DLG2: variants seen among roughly 807,000 people sequenced by gnomAD.
DLG2 encodes the protein disks large homolog 2.
In DLG2, 45 loss-of-function variants were observed where a neutral mutation model predicts 132.5. The ratio of observed to expected loss-of-function variants is 0.34; its 90% CI spans 0.27 to 0.44. DLG2 has a LOEUF of 0.44. Among genes scored for constraint, DLG2 ranks in the 20% least tolerant of loss-of-function variants. DLG2 has a pLI of 1.00. For synonymous variants in DLG2, 424 were observed against 419.6 expected, an observed-to-expected ratio of 1.01 and a Z score of -0.13; for missense variants, 1,045 against 1,196.9, an observed-to-expected ratio of 0.87 and a Z score of 1.87.
At chr11:85,437,585 A>T (rs1207958265) in intron 3 of DLG2, among the ~76,000 whole-genome samples, 1 of 152,098 alleles carries the variant, frequency 6.6e-6, no homozygotes, top group African/African-American at 2.4e-5. Context: ...TACACTACTC[A>T]AAAAAAGAGT....
At chr11:84,878,732 T>A (rs969889144) in intron 6 of DLG2, among the ~76,000 whole-genome samples, 27 of 152,104 alleles carry the variant, frequency 1.8e-4, no homozygotes, top group African/African-American at 6.3e-4. Context: ...AAGAAATAAA[T>A]TATATTCAGT....
At chr11:84,945,921 G>T (rs1405366584) in intron 6 of DLG2, among the ~76,000 whole-genome samples, 2 of 152,036 alleles carry the variant, frequency 1.3e-5, no homozygotes, top group Non-Finnish European at 2.9e-5. Context: ...TTAGCCACAA[G>T]ACAAAACCCT....
intron 7 of DLG2, among the ~76,000 whole-genome samples, chr11:84,431,514 A>G (rs2098984615): frequency 6.6e-6 from 1 of 152,254 alleles, no homozygotes; most frequent in Admixed American, 6.5e-5. Flanking sequence ...GTTTGATTAT[A>G]TCTTTTAATT....
intron 6 of DLG2, among the ~76,000 whole-genome samples, chr11:84,645,650 GTA>G (rs926762690): frequency 4.6e-5 from 7 of 152,052 alleles, no homozygotes; most frequent in African/African-American, 1.7e-4. Flanking sequence ...TGTATTTTTA[GTA>G]GAGATGGGGT....
Position 85,114,415 on chromosome 11 carries a change from T to C in DLG2, c.283-2680A>G, listed in dbSNP as rs562783504. ...TAGCTCTCTAAGCAAAGATTTAAGA[T>C]AGAAGTTGGTGACAAAAGGTAAAGC... On this transcript the variant is annotated intron_variant, in intron 5 of 27. Transcript: ENST00000376104. 9.2e-5 allele frequency among the ~76,000 whole-genome samples: 14 copies of C among 152,134 alleles called. No individual in the cohort carries two copies. The East Asian group carries it at 2.3e-3, about 25-fold the overall frequency.
intron 3 of DLG2, among the ~76,000 whole-genome samples, chr11:85,486,733 T>C (rs1000376419): frequency 2.0e-5 from 3 of 152,036 alleles, no homozygotes; most frequent in Non-Finnish European, 4.4e-5. Flanking sequence ...CCACTGCTAC[T>C]GCCATCACCC....
At chr11:83,682,285 T>C (rs2153600146) in intron 18 of DLG2, 1 of 985,364 alleles carries the variant, frequency 1.0e-6, no homozygotes, top group African/African-American at 1.7e-5. Flanking sequence ...ACTAAGACTC[T>C]GACAGAACTC....
At chr11:84,636,179 G>A (rs1355878376) in intron 6 of DLG2, among the ~76,000 whole-genome samples, 1 of 152,144 alleles carries the variant, frequency 6.6e-6, no homozygotes, top group Non-Finnish European at 1.5e-5. Flanking sequence ...TATAGTCACA[G>A]AAGTATGTAT....
intron 15 of DLG2, among the ~76,000 whole-genome samples, chr11:83,905,831 A>C (rs1344521276): frequency 6.6e-6 from 1 of 152,132 alleles, no homozygotes; most frequent in East Asian, 1.9e-4. Context: ...CATTATCAAC[A>C]TACTGTTATG....
At chr11:85,429,238 A>C (rs1317485519) in intron 3 of DLG2, among the ~76,000 whole-genome samples, 3 of 152,188 alleles carry the variant, frequency 2.0e-5, no homozygotes, top group Non-Finnish European at 4.4e-5. Context: ...AAACTATTCC[A>C]ATCAGAAAAA....
At chr11:85,234,653 T>C (rs559050057) in intron 4 of DLG2, among the ~76,000 whole-genome samples, 3 of 152,132 alleles carry the variant, frequency 2.0e-5, no homozygotes, top group South Asian at 2.1e-4. Context: ...CATAACTCTA[T>C]GTACTAAGTG....
chr11:85,539,495 G>A (rs1179728901), intron 3 of DLG2, among the ~76,000 whole-genome samples: 2 of 152,306 alleles, frequency 1.3e-5, no homozygotes, highest in East Asian at 1.9e-4. Context: ...CAGGTACTAA[G>A]GAGAGGAAGA....
rs150911541 is a variant in DLG2, at chr11:83,748,433, C to T, written c.1825+38257G>A. ...CAAGCTTTCCCTTTCCCTGACTCCACTCTTACTCTAATAAGCCTGCTTTTT... is the reference window on the plus strand; with the variant it reads ...CAAGCTTTCCCTTTCCCTGACTCCATTCTTACTCTAATAAGCCTGCTTTTT... On this transcript the variant is annotated intron_variant, in intron 18 of 27. Transcript: ENST00000376104. Among the ~76,000 whole-genome samples the T allele has an allele frequency of 4.6e-4, 70 of 152,362 alleles. 1 individual carries two copies. Among genetic ancestry groups the T allele is most frequent in the African/African-American group, 1.7e-3 (69 of 41,596 alleles).
At chr11:85,232,294 G>A (rs1473148960) in intron 4 of DLG2, among the ~76,000 whole-genome samples, 2 of 151,706 alleles carry the variant, frequency 1.3e-5, no homozygotes, top group African/African-American at 4.8e-5. Flanking sequence ...CATCACATTT[G>A]AATAATATAA....
chr11:84,451,033 T>A (rs919144000), intron 7 of DLG2, among the ~76,000 whole-genome samples: 4 of 151,864 alleles, frequency 2.6e-5, no homozygotes, highest in Admixed American at 1.3e-4. Flanking sequence ...AAATAAAATT[T>A]GAAATTATTT....
chr11:84,117,841 T>C (rs1253808157), intron 9 of DLG2, among the ~76,000 whole-genome samples: 4 of 151,846 alleles, frequency 2.6e-5, no homozygotes, highest in Non-Finnish European at 5.9e-5. Context: ...GTAAGCATTT[T>C]ATAGGCTTTA....
At chr11:84,061,021 T>C (rs1484867247) in intron 10 of DLG2, among the ~76,000 whole-genome samples, 5 of 152,198 alleles carry the variant, frequency 3.3e-5, no homozygotes, top group Admixed American at 2.6e-4. Context: ...GTGAACATGG[T>C]TGGTTTGCTT....
At position 84,573,284 on chromosome 11, in the gene DLG2, A is replaced by C. The variant is rs547546857; in HGVS notation, c.358-38553T>G. ...GTTAACTATTTTTAGTTATCTATTA[A>C]GTAGCAAGTGATATCAATTTTCCAT... On this transcript the variant is annotated intron_variant, in intron 6 of 27. Transcript: ENST00000376104. 1.1e-4 allele frequency among the ~76,000 whole-genome samples: 17 copies of C among 152,310 alleles called. 1 individual carries two copies. In the South Asian group the frequency reaches 3.5e-3, roughly 32 times the overall value.
intron 6 of DLG2, among the ~76,000 whole-genome samples, chr11:84,610,453 A>G (rs78337933): frequency 0.012 from 1,829 of 152,278 alleles, 19 homozygotes; most frequent in South Asian, 0.044. Context: ...TCACCAGGTC[A>G]TAAAAGGTTC....
Sources: allele counts gnomAD v4.1 joint callset (sites outside exome capture counted in the v4.1 genomes callset), GRCh38; gene constraint gnomAD v4.1.1; transcripts MANE v1.5; gene names NCBI Gene and HGNC (gene_info 2026-07-23, HGNC 2026-07-21).